KDM4C: variants seen among roughly 807,000 people sequenced by gnomAD.
KDM4C encodes lysine demethylase 4C, also known as lysine-specific demethylase 4C.
Under a neutral mutation model 129.3 loss-of-function variants are expected in KDM4C, and 81 were observed. That is an observed-to-expected ratio of 0.63 (90% CI 0.52 to 0.75). The LOEUF (loss-of-function observed/expected upper bound fraction) is 0.75. KDM4C is among the 30% of genes least tolerant of loss of function. The pLI, the probability that KDM4C is intolerant of heterozygous loss-of-function variation, is 0.00. For missense variants in KDM4C, 1,457 were observed against 1,304.0 expected (o/e 1.12, Z -1.81); for synonymous variants, 573 against 456.1 (o/e 1.26, Z -3.26).
At chr9:7,019,789 T>TAATATTTTTATATA (rs1277016623) in intron 15 of KDM4C, among the ~76,000 whole-genome samples, 191 of 144,208 alleles carry the variant, frequency 1.3e-3, no homozygotes, top group Middle Eastern at 3.7e-3. Flanking sequence ...TATAAAAATA[T>TAATATTTTTATATA]TTTAGAAGCA....
intron 8 of KDM4C, 97 bp downstream of exon 8, chr9:6,893,329 C>G: frequency 1.0e-6 from 1 of 953,864 alleles, no homozygotes; most frequent in Non-Finnish European, 1.5e-6. Flanking sequence ...TTTATTCTTC[C>G]TCACTGGCGC....
chr9:6,970,308 T>A (rs1831739591), intron 8 of KDM4C, among the ~76,000 whole-genome samples: 1 of 152,222 alleles, frequency 6.6e-6, no homozygotes, highest in Non-Finnish European at 1.5e-5. Flanking sequence ...TGAAAACTTT[T>A]TATACTTCTG....
At chr9:6,730,118 GA>G (rs142942724) in intron 1 of KDM4C, among the ~76,000 whole-genome samples, 12,365 of 137,178 alleles carry the variant, frequency 0.09, 946 homozygotes, top group Non-Finnish European at 0.13. Context: ...TTAAAAAAAA[GA>G]AAAAAAAAAA....
chr9:6,838,545 A>C (rs10733530), intron 4 of KDM4C, among the ~76,000 whole-genome samples: 81,004 of 151,758 alleles, frequency 0.53, 22,292 homozygotes, highest in African/African-American at 0.67. Context: ...CGTTTTCCCC[A>C]TTTTTTCTCT....
chr9:6,894,368 C>T (rs1846527573), intron 8 of KDM4C, among the ~76,000 whole-genome samples: 1 of 152,230 alleles, frequency 6.6e-6, no homozygotes, highest in African/African-American at 2.4e-5. Flanking sequence ...AACTGTACTA[C>T]TACTTCACAT....
chr9:6,885,574 A>G (rs914425535), intron 6 of KDM4C, among the ~76,000 whole-genome samples: 2 of 151,956 alleles, frequency 1.3e-5, no homozygotes, highest in African/African-American at 4.8e-5. Flanking sequence ...AATGATTCCA[A>G]AGACCATCTT....
intron 2 of KDM4C, among the ~76,000 whole-genome samples, chr9:6,794,743 TA>T (rs199997608): frequency 6.0e-5 from 9 of 150,958 alleles, no homozygotes; most frequent in African/African-American, 1.9e-4. Context: ...ATAATATTCT[TA>T]AAAAAAAATG....
At chr9:7,158,995 A>G in intron 19 of KDM4C, among the ~76,000 whole-genome samples, 1 of 152,154 alleles carries the variant, frequency 6.6e-6, no homozygotes, top group East Asian at 1.9e-4. Context: ...TGTAGTCTCT[A>G]AGGACTTGCT....
chr9:7,114,973 G>T (rs1838736908), intron 18 of KDM4C, among the ~76,000 whole-genome samples: 1 of 152,104 alleles, frequency 6.6e-6, no homozygotes, highest in African/African-American at 2.4e-5. Flanking sequence ...CAGCTACTTG[G>T]GAGGCTGAGG....
intron 7 of KDM4C, among the ~76,000 whole-genome samples, chr9:6,891,589 A>G (rs1846125037): frequency 6.6e-6 from 1 of 152,298 alleles, no homozygotes; most frequent in African/African-American, 2.4e-5. Context: ...TAATTGTGAT[A>G]GTTGCATAAC....
chr9:6,761,080 G>A (rs1819400711), intron 1 of KDM4C, among the ~76,000 whole-genome samples: 2 of 150,148 alleles, frequency 1.3e-5, no homozygotes, highest in African/African-American at 4.9e-5. Flanking sequence ...CGCGATCTCG[G>A]CTCACTGCAA....
At chr9:7,060,454 G>GTTATTATTATTA (rs147100950) in intron 17 of KDM4C, among the ~76,000 whole-genome samples, 14 of 127,564 alleles carry the variant, frequency 1.1e-4, no homozygotes, top group South Asian at 4.7e-4. Flanking sequence ...CAGTATTGTT[G>GTTATTATTATTA]TTATTATTAT....
chr9:7,128,166 C>T lies in KDM4C; in HGVS notation c.2711C>T (p.Ser904Leu), dbSNP rs1339512452. ...AGTTGCAGAGTGATGGCTGTGACAT[C>T]GCAGACCTTCTATGAGGTCATGTTT... The part of the protein sequence containing the change: ...YYSCRVMAVT[S>L]QTFYEVMFDD... Residue 904 changes from serine to leucine, a missense_variant, in exon 19 of 22, where the codon TCG becomes TTG. Ser to Leu is a moderately radical substitution (Grantham distance 145, BLOSUM62 -2). Transcript: ENST00000381309. The T allele has an allele frequency of 3.7e-6, 6 of 1,612,746 alleles. No homozygotes were observed. Among genetic ancestry groups the T allele is most frequent in the South Asian group, 2.2e-5 (2 of 90,924 alleles).
At position 6,955,680 on chromosome 9, in the gene KDM4C, A is replaced by T. The variant is rs536787498; in HGVS notation, c.922-25245A>T. 6.7e-4 allele frequency among the ~76,000 whole-genome samples: 102 copies of T among 152,298 alleles called. 1 individual carries two copies. The highest frequency in any genetic ancestry group is 6.8e-3 in the Middle Eastern group (2 of 294). ...TCAGCTTTTCCCTTTCTTCTTATGT[A>T]AAATAGTTATAATCTTTTGGCTCCT... On this transcript the variant is annotated intron_variant, in intron 8 of 21. Coordinates refer to ENST00000381309, the MANE Select transcript of KDM4C (RefSeq NM_015061.6).
intron 8 of KDM4C, chr9:6,924,720 C>T: frequency 3.1e-6 from 3 of 977,340 alleles, no homozygotes; most frequent in Non-Finnish European, 3.6e-6. Context: ...TGGGAAACTC[C>T]TGTGGATTTT....
chr9:6,844,821 G>A (rs998132659), intron 4 of KDM4C, among the ~76,000 whole-genome samples: 3 of 152,084 alleles, frequency 2.0e-5, no homozygotes, highest in Non-Finnish European at 2.9e-5. Flanking sequence ...CTGAATAGCT[G>A]GGATTACAGG....
intron 5 of KDM4C, among the ~76,000 whole-genome samples, chr9:6,874,796 GA>G (rs1843310344): frequency 6.6e-6 from 1 of 152,012 alleles, no homozygotes; most frequent in Non-Finnish European, 1.5e-5. Context: ...ATGCTATAAT[GA>G]AAATGTGGAC....
chr9:6,780,768 CA>C (rs34457968), intron 1 of KDM4C, among the ~76,000 whole-genome samples: 203 of 32,152 alleles, frequency 6.3e-3, no homozygotes, highest in African/African-American at 0.019. Context: ...AACTCCCTCT[CA>C]AAAAAAAAAA....
intron 8 of KDM4C, among the ~76,000 whole-genome samples, chr9:6,927,229 A>G (rs1465146311): frequency 6.6e-6 from 1 of 152,038 alleles, no homozygotes; most frequent in Non-Finnish European, 1.5e-5. Context: ...TCCCAGGCTC[A>G]AGTGATTCTT....
Sources: gnomAD v4.1 joint callset for allele counts (sites outside exome capture counted in the v4.1 genomes callset) on GRCh38, gnomAD v4.1.1 for gene constraint, MANE v1.5 for transcripts, NCBI Gene and HGNC (gene_info 2026-07-23, HGNC 2026-07-21) for gene names.